Variants in ACVRL1 observed in about 807,000 individuals in gnomAD.
The protein encoded by ACVRL1 is activin receptor type-1-like.
In ACVRL1, 20 loss-of-function variants were observed where a neutral mutation model predicts 51.9. The observed-to-expected ratio is 0.39, with a 90% CI of 0.27 to 0.56. ACVRL1 has a LOEUF of 0.56. Among genes scored for constraint, ACVRL1 ranks in the 20% least tolerant of loss-of-function variants. The pLI, the probability that ACVRL1 is intolerant of heterozygous loss-of-function variation, is 0.67. For synonymous variants in ACVRL1, 288 were observed against 280.9 expected, an observed-to-expected ratio of 1.03 and a Z score of -0.25; for missense variants, 451 against 670.3, an observed-to-expected ratio of 0.67 and a Z score of 3.61.
intron 1 of ACVRL1, among the ~76,000 whole-genome samples, chr12:51,911,321 T>C (rs1313542321): frequency 6.6e-6 from 1 of 152,028 alleles, no homozygotes; most frequent in Non-Finnish European, 1.5e-5. Context: ...CCCCTAACAC[T>C]CTCCAACAAA....
chr12:51,915,511 C>A lies in ACVRL1; in HGVS notation c.1048+11C>A, dbSNP rs138536550. On this transcript the variant is annotated intron_variant, in intron 7 of 9. Coordinates refer to ENST00000388922, the MANE Select transcript of ACVRL1 (RefSeq NM_000020.3). ...GCATCGCCGACCTGGGTGAGCCGGG[C>A]GGGGCAGGGGCGCGCCCTTCACAGG... is the stretch of plus-strand genomic sequence containing the variant. 3.1e-6 allele frequency: 5 copies of A among 1,603,630 alleles called. No homozygotes were observed. The South Asian group carries it at 5.5e-5, about 18-fold the overall frequency.
chr12:51,916,363 C>T, intron 8 of ACVRL1, 130 bp downstream of exon 8: 1 of 948,058 alleles, frequency 1.1e-6, no homozygotes, highest in Middle Eastern at 3.1e-4. Context: ...TCCATGCTGC[C>T]CACCAGCTGG....
intron 7 of ACVRL1, 171 bp downstream of exon 7, chr12:51,915,671 AC>A: frequency 1.1e-6 from 1 of 937,796 alleles, no homozygotes; most frequent in Non-Finnish European, 1.5e-6. Flanking sequence ...CCCTTTTCAA[AC>A]CCAGATTCCT....
chr12:51,912,399 A>G lies in ACVRL1; in HGVS notation c.-5-71A>G, dbSNP rs549753547. On this transcript the variant is annotated intron_variant, in intron 1 of 9. Coordinates refer to ENST00000388922, the MANE Select transcript of ACVRL1 (RefSeq NM_000020.3). Reference sequence around the variant, plus strand: ...AAAAACTCTGTGATTTCCTCTGGGCAGGAGGGAGCCACGGCCAGCGGCTGT... The same window carrying G: ...AAAAACTCTGTGATTTCCTCTGGGCGGGAGGGAGCCACGGCCAGCGGCTGT... The G allele has an allele frequency of 6.7e-5, 103 of 1,529,582 alleles. 1 individual carries two copies. In the South Asian group the frequency reaches 9.7e-4, roughly 14 times the overall value. The allele number at this position is 1,529,582 out of a possible 1,614,324, so 94.8% of individuals were successfully genotyped here. A position where few individuals can be genotyped will look rare whatever the true frequency, so the allele number is the denominator to read the frequency against.
intron 3 of ACVRL1, 99 bp downstream of exon 3, chr12:51,913,449 G>A: frequency 6.5e-7 from 1 of 1,534,600 alleles, no homozygotes; most frequent in Non-Finnish European, 8.8e-7. Flanking sequence ...GGGGCTGGGG[G>A]CGGGGGAGCG....
In ACVRL1 at chr12:51,917,382, C is replaced by T. The variant is rs1053497230; in HGVS notation, c.1246+1149C>T. 8.5e-5 allele frequency among the ~76,000 whole-genome samples: 13 copies of T among 152,232 alleles called. No homozygotes were observed. The highest frequency in any genetic ancestry group is 5.2e-4 in the Admixed American group (8 of 15,292). ...GAGGGACTGCGACAGGTAGAGAGACCTGCCCTGGGCAGGCAGCCCTGAGGT... is the reference window on the plus strand; with the variant it reads ...GAGGGACTGCGACAGGTAGAGAGACTTGCCCTGGGCAGGCAGCCCTGAGGT... On this transcript the variant is annotated intron_variant, in intron 8 of 9. Transcript: ENST00000388922. The surrounding 1 kb of genome is among the most constrained non-coding windows in gnomAD (Gnocchi z 4.2).
In ACVRL1 at chr12:51,913,348, AGG is replaced by A; in HGVS notation, c.313_313+1del. The A allele has an allele frequency of 6.2e-7, 1 of 1,611,414 alleles. No homozygotes were observed. The highest frequency in any genetic ancestry group is 8.5e-7 in the Non-Finnish European group (1 of 1,179,244). ...AACCACAACGTGTCCCTGGTGCTGG[AGG>A]GTACGTCCAGCTGCCCTAGCACTCC... On this transcript the variant is annotated frameshift_variant and splice_region_variant, in exon 3 of 10. Coordinates refer to ENST00000388922, the MANE Select transcript of ACVRL1 (RefSeq NM_000020.3). LOFTEE classifies it high-confidence loss of function.
rs1241287373 is a variant in ACVRL1, at chr12:51,913,217, G to A, written c.180G>A (p.Gly60=). ...CAGTAGTGCTGGTGCGGGAGGAGGG[G>A]AGGCACCCCCAGGAACATCGGGGCT... ...WCTVVLVREE[G]RHPQEHRGCG... Residue 60 remains glycine (G), a synonymous_variant, in exon 3 of 10, where the codon GGG becomes GGA. Transcript: ENST00000388922. 29 of 1,590,444 alleles carry A rather than the reference G, an allele frequency of 1.8e-5. No individual in the cohort carries two copies. Among genetic ancestry groups the A allele is most frequent in the Non-Finnish European group, 2.3e-5 (27 of 1,169,134 alleles).
In ACVRL1 at chr12:51,914,523, A is replaced by C; in HGVS notation, c.710A>C (p.Gln237Pro). ...AAGATCTTCTCCTCGAGGGATGAAC[A>C]GTCCTGGTTCCGGGAGACTGAGATC... ...AVKIFSSRDE[Q>P]SWFRETEIYN... Residue 237 changes from glutamine (Q) to proline (P), a missense_variant, in exon 6 of 10, where the codon CAG becomes CCG. This residue lies in a region of ACVRL1 where 259 missense variants were observed against 453.4 expected (regional missense o/e 0.57). Coordinates refer to ENST00000388922, the MANE Select transcript of ACVRL1 (RefSeq NM_000020.3). The C allele has an allele frequency of 6.2e-7, 1 of 1,614,052 alleles. No homozygotes were observed. The highest frequency in any genetic ancestry group is 8.5e-7 in the Non-Finnish European group (1 of 1,179,984).
rs1940861343 is a variant in ACVRL1, at chr12:51,917,179, C to G, written c.1246+946C>G. ...GCACAGAATGACAGTGGGCTTGAGGCAGCATCAGGGTCCGAAACCGGGCAG... is the reference window on the plus strand; with the variant it reads ...GCACAGAATGACAGTGGGCTTGAGGGAGCATCAGGGTCCGAAACCGGGCAG... On this transcript the variant is annotated intron_variant, in intron 8 of 9. Coordinates refer to ENST00000388922, the MANE Select transcript of ACVRL1 (RefSeq NM_000020.3). This position sits in a 1 kb window ranked among gnomAD's most constrained non-coding sequence, Gnocchi z 4.2. 6.6e-6 allele frequency among the ~76,000 whole-genome samples: 1 copy of G among 152,188 alleles called. No individual in the cohort carries two copies. Among genetic ancestry groups the G allele is most frequent in the Non-Finnish European group, 1.5e-5 (1 of 68,038 alleles).
At position 51,917,817 on chromosome 12, in the gene ACVRL1, AGAAAG is replaced by A. The variant is rs1940874993; in HGVS notation, c.1247-1161_1247-1157del. 6.6e-6 allele frequency among the ~76,000 whole-genome samples: 1 copy of A among 152,202 alleles called. No homozygotes were observed. Among genetic ancestry groups the A allele is most frequent in the African/African-American group, 2.4e-5 (1 of 41,448 alleles). On this transcript the variant is annotated intron_variant, in intron 8 of 9. Coordinates refer to ENST00000388922, the MANE Select transcript of ACVRL1 (RefSeq NM_000020.3). This position sits in a 1 kb window ranked among gnomAD's most constrained non-coding sequence, Gnocchi z 4.2. Reference sequence around the variant, plus strand: ...GGCTCCTTGGACCAGGCTGCAGGGCAGAAAGGAAAGGCTGGGAGGAGGCTGCCTGG... The same window carrying A: ...GGCTCCTTGGACCAGGCTGCAGGGCAGAAAGGCTGGGAGGAGGCTGCCTGG...
chr12:51,916,304 C>T, intron 8 of ACVRL1, 71 bp downstream of exon 8: 1 of 1,534,440 alleles, frequency 6.5e-7, no homozygotes, highest in Non-Finnish European at 8.9e-7. Context: ...CCAGCCATGG[C>T]CAGTGCCCAT....
intron 9 of ACVRL1, chr12:51,919,360 G>T: frequency 2.2e-5 from 11 of 505,526 alleles, no homozygotes; most frequent in East Asian, 7.3e-5. Context: ...GCTATCTGTG[G>T]CTCTGTGTGT....
chr12:51,920,945 G>GGGGGGGGGCCGGGC lies in ACVRL1; in HGVS notation c.*52_*53insGGGGGGGGCCGGGC. On this transcript the variant is annotated 3_prime_UTR_variant, in exon 10 of 10. Transcript: ENST00000388922. ...CTGCAGGGGGCTGGGGGGGTGGGGGGCAGTGGATGGTGCCCTATCTGGGTA... is the reference window on the plus strand; with the variant it reads ...CTGCAGGGGGCTGGGGGGGTGGGGGGGGGGGGGGCCGGGCCAGTGGATGGTGCCCTATCTGGGTA... 1.4e-6 allele frequency: 1 copy of GGGGGGGGGCCGGGC among 740,486 alleles called. No homozygotes were observed. The allele number at this position is 740,486 out of a possible 1,614,324, so 45.9% of individuals were successfully genotyped here.
At position 51,907,673 on chromosome 12, in the gene ACVRL1, C is replaced by A. The variant is rs902270602; in HGVS notation, c.-28C>A. 2.0e-5 allele frequency: 3 copies of A among 152,154 alleles called. No homozygotes were observed. Among genetic ancestry groups the A allele is most frequent in the African/African-American group, 7.2e-5 (3 of 41,454 alleles). 9.4% of individuals were successfully genotyped at this position (152,154 alleles called of 1,614,324 possible). On this transcript the variant is annotated 5_prime_UTR_variant, in exon 1 of 10. Coordinates refer to ENST00000388922, the MANE Select transcript of ACVRL1 (RefSeq NM_000020.3). The surrounding 1 kb of genome is among the most constrained non-coding windows in gnomAD (Gnocchi z 4.5). ...CGGTCCGCCGAAGGCTAGCGCCCCG[C>A]CACCCGCAGAGCGGGCCCAGAGGTG...
At position 51,920,931 on chromosome 12, in the gene ACVRL1, T is replaced by TGGG; in HGVS notation, c.*43_*45dup. The TGGG allele has an allele frequency of 1.5e-5, 3 of 203,010 alleles. No homozygotes were observed. Among genetic ancestry groups the TGGG allele is most frequent in the Admixed American group, 1.3e-4 (2 of 15,182 alleles). The allele number at this position is 203,010 out of a possible 1,614,324, so 12.6% of individuals were successfully genotyped here. A position where few individuals can be genotyped will look rare whatever the true frequency, so the allele number is the denominator to read the frequency against. ...TGATTCCTTTCTGCCTGCAGGGGGC[T>TGGG]GGGGGGGTGGGGGGCAGTGGATGGT... is the stretch of plus-strand genomic sequence containing the variant. On this transcript the variant is annotated 3_prime_UTR_variant, in exon 10 of 10. Transcript: ENST00000388922.
chr12:51,907,325 C>A (rs930752810), upstream of ACVRL1: 1 of 152,112 alleles, frequency 6.6e-6, no homozygotes, highest in African/African-American at 2.4e-5. The surrounding 1 kb of genome is among the most constrained non-coding windows in gnomAD (Gnocchi z 4.5). Context: ...GAGGGGAGGC[C>A]GCCCTGAGGG....
chr12:51,920,782 G>A lies in ACVRL1; in HGVS notation c.1401G>A (p.Met467Ile). 1 of 1,613,886 alleles carries A rather than the reference G, an allele frequency of 6.2e-7. No homozygotes were observed. The highest frequency in any genetic ancestry group is 1.7e-5 in the Admixed American group (1 of 59,998). Reference sequence around the variant, plus strand: ...AGGTCCTCTCAGGCCTAGCTCAGATGATGCGGGAGTGCTGGTACCCAAACC... The same window carrying A: ...AGGTCCTCTCAGGCCTAGCTCAGATAATGCGGGAGTGCTGGTACCCAAACC... ...ADPVLSGLAQ[M>I]MRECWYPNPS... is the part of the protein sequence containing the mutation. The change falls in exon 10 of 10, where the codon ATG becomes ATA. Residue 467 changes from methionine (M) to isoleucine (I), a missense_variant. Physicochemically the swap from Met to Ile is conservative, Grantham distance 10. Transcript: ENST00000388922.
chr12:51,919,990 T>C (rs766162807), intron 9 of ACVRL1, among the ~76,000 whole-genome samples: 22 of 152,302 alleles, frequency 1.4e-4, no homozygotes, highest in Non-Finnish European at 2.9e-4. Context: ...AGAATGAATA[T>C]ATTCTATACA....
Sources: gnomAD v4.1 joint callset for allele counts (sites outside exome capture counted in the v4.1 genomes callset) on GRCh38, gnomAD v4.1.1 for gene constraint, gnomAD v4.1.1 regional missense constraint, Gnocchi (gnomAD v3.1) non-coding constraint, MANE v1.5 for transcripts, NCBI Gene and HGNC (gene_info 2026-07-23, HGNC 2026-07-21) for gene names.